APAF1: variants seen among roughly 807,000 people sequenced by gnomAD.
The protein encoded by APAF1 is apoptotic peptidase activating factor 1, also known as apoptotic protease-activating factor 1.
APAF1 carries 91 observed loss-of-function variants against 152.4 expected under a neutral mutation model. The ratio of observed to expected loss-of-function variants is 0.60; its 90% CI spans 0.50 to 0.71. The LOEUF (loss-of-function observed/expected upper bound fraction) is 0.71, where lower values mean the gene tolerates loss of function less well. APAF1 is among the 30% of genes least tolerant of loss of function. The pLI is 0.00. For missense variants in APAF1, 1,283 were observed against 1,472.0 expected (o/e 0.87, Z 2.10); for synonymous variants, 484 against 494.1 (o/e 0.98, Z 0.27).
At chr12:98,688,484 T>A (rs930924608) in intron 16 of APAF1, among the ~76,000 whole-genome samples, 1 of 150,074 alleles carries the variant, frequency 6.7e-6, no homozygotes, top group African/African-American at 2.4e-5. Context: ...TTTTTTTTTT[T>A]TTTTGGAGAC....
chr12:98,728,028 C>G (rs567737598), intron 26 of APAF1, among the ~76,000 whole-genome samples: 1 of 151,862 alleles, frequency 6.6e-6, no homozygotes, highest in East Asian at 1.9e-4. Context: ...AAGGCAGTTA[C>G]TATTATCCCC....
At position 98,723,207 on chromosome 12, in the gene APAF1, A is replaced by G. The variant is rs142269091; in HGVS notation, c.3099A>G (p.Gln1033=). 16 of 1,613,452 alleles carry G rather than the reference A, an allele frequency of 9.9e-6. No individual in the cohort carries two copies. Among genetic ancestry groups the G allele is most frequent in the African/African-American group, 6.7e-5 (5 of 74,920 alleles). ...TTGATATTCAGGTATGGAATTGGCA[A>G]TTGGACAAATGTATCTTTCTACGAG... ...DDAEIQVWNW[Q]LDKCIFLRGH... is the part of the protein sequence containing the mutation. Residue 1033 remains glutamine (Q), a synonymous_variant, in exon 23 of 27, where the codon CAA becomes CAG. Coordinates refer to ENST00000551964, the MANE Select transcript of APAF1 (RefSeq NM_181861.2).
chr12:98,685,697 G>A (rs2097697313), intron 15 of APAF1, among the ~76,000 whole-genome samples: 1 of 151,130 alleles, frequency 6.6e-6, no homozygotes, highest in South Asian at 2.1e-4. Flanking sequence ...GTGCAGTGGA[G>A]CGATCTTGGC....
chr12:98,692,332 C>G (rs930119269), intron 16 of APAF1, among the ~76,000 whole-genome samples: 2 of 152,162 alleles, frequency 1.3e-5, no homozygotes, highest in Non-Finnish European at 2.9e-5. Flanking sequence ...ATCCGCCTGC[C>G]TCGGCCTCCC....
chr12:98,677,607 A>G (rs1396939092), intron 13 of APAF1, 56 bp downstream of exon 13: 2 of 1,609,796 alleles, frequency 1.2e-6, no homozygotes, highest in African/African-American at 2.7e-5. Context: ...TTTTGTGCAG[A>G]TCAGAATATG....
intron 4 of APAF1, among the ~76,000 whole-genome samples, chr12:98,654,543 G>T (rs2097653903): frequency 6.6e-6 from 1 of 152,086 alleles, no homozygotes; most frequent in Non-Finnish European, 1.5e-5. Context: ...AAGTAGCTGG[G>T]ACTACAGGTG....
intron 26 of APAF1, among the ~76,000 whole-genome samples, chr12:98,731,856 GT>G (rs2097762259): frequency 6.6e-6 from 1 of 152,210 alleles, no homozygotes; most frequent in Non-Finnish European, 1.5e-5. Context: ...CCCTTGCTAC[GT>G]TTGAGATGTT....
intron 16 of APAF1, among the ~76,000 whole-genome samples, chr12:98,691,892 T>C (rs1213842541): frequency 6.6e-6 from 1 of 152,178 alleles, no homozygotes; most frequent in Non-Finnish European, 1.5e-5. Flanking sequence ...TCCATCCCAG[T>C]TCATTCAGTC....
intron 20 of APAF1, 140 bp downstream of exon 20, chr12:98,708,844 T>C: frequency 2.6e-6 from 2 of 779,702 alleles, no homozygotes; most frequent in South Asian, 1.8e-5. Flanking sequence ...TAAATAAATA[T>C]ATATAAGTCT....
At chr12:98,692,157 A>ACTGCAAGCTCCGCCTCC (rs1408193901) in intron 16 of APAF1, among the ~76,000 whole-genome samples, 367 of 152,222 alleles carry the variant, frequency 2.4e-3, no homozygotes, top group African/African-American at 8.0e-3. Flanking sequence ...ATCTCGGCTC[A>ACTGCAAGCTCCGCCTCC]CTGCAAGCTC....
intron 18 of APAF1, among the ~76,000 whole-genome samples, chr12:98,704,545 C>T (rs1211982321): frequency 6.6e-6 from 1 of 152,094 alleles, no homozygotes; most frequent in Admixed American, 6.6e-5. Flanking sequence ...TAAGCTATAG[C>T]CCTTCAACAT....
rs1239366283 is a variant in APAF1, at chr12:98,723,316, A to G, written c.3204+4A>G. ...GTCATTTGATGGAACAGTGAAGGTA[A>G]TTTAAAGTATAAATTTGTTTTTTGA... On this transcript the variant is annotated splice_donor_region_variant and intron_variant, in intron 23 of 26. Coordinates refer to ENST00000551964, the MANE Select transcript of APAF1 (RefSeq NM_181861.2). 3 of 1,612,952 alleles carry G rather than the reference A, an allele frequency of 1.9e-6. No individual in the cohort carries two copies. In the African/African-American group the frequency reaches 4.0e-5, roughly 22 times the overall value.
intron 4 of APAF1, among the ~76,000 whole-genome samples, chr12:98,651,877 C>T (rs1012046298): frequency 6.6e-5 from 10 of 152,078 alleles, no homozygotes; most frequent in African/African-American, 2.4e-4. Flanking sequence ...TGCAGTGGCA[C>T]AATCTTGGCT....
rs142070777 is a variant in APAF1, at chr12:98,711,039, C to T, written c.2842-1280C>T. On this transcript the variant is annotated intron_variant, in intron 20 of 26. Transcript: ENST00000551964. Reference sequence around the variant, plus strand: ...AGCTGTAAGTCACCTCTGAATATGGCTTGCTTTGATTTTACAAGTTTTACT... The same window carrying T: ...AGCTGTAAGTCACCTCTGAATATGGTTTGCTTTGATTTTACAAGTTTTACT... 1.0e-3 allele frequency among the ~76,000 whole-genome samples: 154 copies of T among 152,254 alleles called. 4 individuals are homozygous for T. Among genetic ancestry groups the T allele is most frequent in the Non-Finnish European group, 1.3e-4 (9 of 68,028 alleles).
chr12:98,707,083 G>C (rs968608533), intron 19 of APAF1, among the ~76,000 whole-genome samples: 2 of 151,990 alleles, frequency 1.3e-5, no homozygotes, highest in Non-Finnish European at 2.9e-5. Context: ...TCTGCATGCA[G>C]CTTCTAAGAT....
At position 98,685,941 on chromosome 12, in the gene APAF1, T is replaced by A. The variant is rs566788770; in HGVS notation, c.2179-807T>A. ...GGTGAGCCGCCATGTCCAGCCTGAATAGAGGATTTTACAGCAAGTCCTAAA... is the reference window on the plus strand; with the variant it reads ...GGTGAGCCGCCATGTCCAGCCTGAAAAGAGGATTTTACAGCAAGTCCTAAA... On this transcript the variant is annotated intron_variant, in intron 15 of 26. Transcript: ENST00000551964. Among the ~76,000 whole-genome samples, 5 of 152,314 alleles carry A rather than the reference T, an allele frequency of 3.3e-5. No homozygotes were observed. The South Asian group carries it at 1.0e-3, about 32-fold the overall frequency.
At chr12:98,653,986 T>G (rs1032475857) in intron 4 of APAF1, among the ~76,000 whole-genome samples, 2 of 152,032 alleles carry the variant, frequency 1.3e-5, no homozygotes, top group Non-Finnish European at 2.9e-5. Flanking sequence ...AGGATAAGCC[T>G]CCTGTGAAAG....
At chr12:98,677,359 C>G in intron 12 of APAF1, 66 bp from the exon 13 acceptor site, 3 of 1,538,204 alleles carry the variant, frequency 2.0e-6, no homozygotes, top group Non-Finnish European at 2.7e-6. Flanking sequence ...TATTTTAGTA[C>G]TGAAAGAAAA....
chr12:98,658,103 A>G (rs1324296115), intron 4 of APAF1, among the ~76,000 whole-genome samples: 1 of 152,134 alleles, frequency 6.6e-6, no homozygotes, highest in Non-Finnish European at 1.5e-5. Context: ...TTAAGATCAC[A>G]TAAATCTTTA....
Sources: gnomAD v4.1 joint callset for allele counts (sites outside exome capture counted in the v4.1 genomes callset) on GRCh38, gnomAD v4.1.1 for gene constraint, MANE v1.5 for transcripts, NCBI Gene and HGNC (gene_info 2026-07-23, HGNC 2026-07-21) for gene names.